ANXA10: variants seen among roughly 807,000 people sequenced by gnomAD.
ANXA10 encodes annexin A10.
A neutral mutation model predicts 53.5 loss-of-function variants in ANXA10; 49 were observed. The ratio of observed to expected loss-of-function variants is 0.92; its 90% CI spans 0.73 to 1.16. ANXA10 has a LOEUF of 1.16. Among genes scored for constraint, ANXA10 ranks in the 50% most tolerant of loss-of-function variants. The pLI, the probability that ANXA10 is intolerant of heterozygous loss-of-function variation, is 0.00. For synonymous variants in ANXA10, 131 were observed against 128.9 expected, an observed-to-expected ratio of 1.02 and a Z score of -0.11; for missense variants, 393 against 394.4, an observed-to-expected ratio of 1.00 and a Z score of 0.03.
At chr4:168,115,693 AC>A (rs1730882763) in intron 1 of ANXA10, among the ~76,000 whole-genome samples, 1 of 152,218 alleles carries the variant, frequency 6.6e-6, no homozygotes, top group African/African-American at 2.4e-5. Context: ...TACACAAATT[AC>A]AGCTATAATG....
At chr4:168,115,501 A>G (rs759159386) in intron 1 of ANXA10, among the ~76,000 whole-genome samples, 6,511 of 80,432 alleles carry the variant, frequency 0.081, 407 homozygotes, top group African/African-American at 0.3. Flanking sequence ...ACACACGCAC[A>G]CACACACACA....
chr4:168,187,486 T>C lies in ANXA10; in HGVS notation c.*52T>C. On this transcript the variant is annotated 3_prime_UTR_variant, in exon 12 of 12. Transcript: ENST00000359299. Reference sequence around the variant, plus strand: ...ACTCCTCTTTCTAGACACTTCCAAATAGAGATTTTCTCACAAATTTGTACT... The same window carrying C: ...ACTCCTCTTTCTAGACACTTCCAAACAGAGATTTTCTCACAAATTTGTACT... The C allele has an allele frequency of 8.1e-7, 1 of 1,236,080 alleles. No homozygotes were observed. Among genetic ancestry groups the C allele is most frequent in the Non-Finnish European group, 1.1e-6 (1 of 891,582 alleles). The allele number at this position is 1,236,080 out of a possible 1,614,324, so 76.6% of individuals were successfully genotyped here.
At position 168,125,095 on chromosome 4, in the gene ANXA10, A is replaced by T. The variant is rs1026343946; in HGVS notation, c.19-2989A>T. On this transcript the variant is annotated intron_variant, in intron 1 of 11. Coordinates refer to ENST00000359299, the MANE Select transcript of ANXA10 (RefSeq NM_007193.5). ...GTTGGCTGTGTTTAAAGCCATTGAA[A>T]CCACTTTGGAAGAACTCTTGGGAGA... Among the ~76,000 whole-genome samples the T allele has an allele frequency of 7.9e-5, 12 of 152,258 alleles. 1 individual carries two copies. The East Asian group carries it at 2.3e-3, about 29-fold the overall frequency.
At chr4:168,109,593 T>G (rs1730771588) in intron 1 of ANXA10, among the ~76,000 whole-genome samples, 1 of 152,188 alleles carries the variant, frequency 6.6e-6, no homozygotes, top group African/African-American at 2.4e-5. Flanking sequence ...TCATTCCCTC[T>G]TTAGGCAAGT....
At chr4:168,159,333 A>C (rs2149476709) in intron 3 of ANXA10, among the ~76,000 whole-genome samples, 1 of 152,328 alleles carries the variant, frequency 6.6e-6, no homozygotes, top group Middle Eastern at 3.4e-3. Flanking sequence ...TAGGTTTATA[A>C]GGGATATCAG....
intron 1 of ANXA10, among the ~76,000 whole-genome samples, chr4:168,115,767 G>A (rs767691831): frequency 6.6e-6 from 1 of 152,146 alleles, no homozygotes; most frequent in Non-Finnish European, 1.5e-5. Context: ...GTCAATACCT[G>A]TGTGGCTTTA....
At chr4:168,125,189 G>A (rs1467373756) in intron 1 of ANXA10, among the ~76,000 whole-genome samples, 1 of 152,294 alleles carries the variant, frequency 6.6e-6, no homozygotes, top group East Asian at 1.9e-4. Context: ...TCTGTCCAAA[G>A]TAAAATCCAA....
At chr4:168,148,895 T>C (rs1731449070) in intron 3 of ANXA10, among the ~76,000 whole-genome samples, 1 of 152,192 alleles carries the variant, frequency 6.6e-6, no homozygotes, top group Admixed American at 6.5e-5. Context: ...TTAGTTTAGA[T>C]AGCTATAGAA....
chr4:168,116,652 A>G (rs1730898325), intron 1 of ANXA10, among the ~76,000 whole-genome samples: 1 of 152,128 alleles, frequency 6.6e-6, no homozygotes, highest in African/African-American at 2.4e-5. Flanking sequence ...TATTTTATTT[A>G]TTATTGTAGA....
At chr4:168,178,046 T>A in intron 8 of ANXA10, 63 bp downstream of exon 8, 8 of 1,444,406 alleles carry the variant, frequency 5.5e-6, no homozygotes, top group Non-Finnish European at 7.7e-6. Context: ...AGAAGGTGGT[T>A]AACTAGAAAC....
intron 2 of ANXA10, among the ~76,000 whole-genome samples, chr4:168,138,137 ACTTTTAG>A (rs1226554879): frequency 2.0e-5 from 3 of 151,478 alleles, no homozygotes; most frequent in Non-Finnish European, 2.9e-5. Flanking sequence ...AATTTTTTGT[ACTTTTAG>A]TAGAGATGGG....
intron 10 of ANXA10, among the ~76,000 whole-genome samples, chr4:168,183,497 T>C (rs62336242): frequency 0.02 from 3,044 of 152,334 alleles, 43 homozygotes; most frequent in Non-Finnish European, 0.03. Flanking sequence ...GGAAAATAAC[T>C]ACAATTACCT....
At chr4:168,161,900 A>T (rs950943359) in intron 3 of ANXA10, among the ~76,000 whole-genome samples, 3 of 152,000 alleles carry the variant, frequency 2.0e-5, no homozygotes, top group African/African-American at 7.2e-5. Context: ...GCATATATAT[A>T]TTTTTAATTC....
intron 3 of ANXA10, among the ~76,000 whole-genome samples, chr4:168,152,691 A>G (rs966137141): frequency 6.6e-6 from 1 of 151,082 alleles, no homozygotes; most frequent in Non-Finnish European, 1.5e-5. Flanking sequence ...GCTATTATAT[A>G]TACATAATAA....
chr4:168,186,177 C>T (rs949471614), intron 11 of ANXA10, among the ~76,000 whole-genome samples: 1 of 152,170 alleles, frequency 6.6e-6, no homozygotes, highest in Non-Finnish European at 1.5e-5. Context: ...ATTATCATTA[C>T]ATGACTTTGT....
Position 168,096,911 on chromosome 4 carries a change from C to CATATATATATATATATATATATATGT in ANXA10, c.18+4211_18+4212insATATATGTATATATATATATATATAT, listed in dbSNP as rs35451323. On this transcript the variant is annotated intron_variant, in intron 1 of 11. Coordinates refer to ENST00000359299, the MANE Select transcript of ANXA10 (RefSeq NM_007193.5). Reference sequence around the variant, plus strand: ...TTTGTATCCATTACTAATACAAATGCATATATATATATATATATGTATGTA... The same window carrying CATATATATATATATATATATATATGT: ...TTTGTATCCATTACTAATACAAATGCATATATATATATATATATATATATGTATATATATATATATATATGTATGTA... Among the ~76,000 whole-genome samples, 42 of 109,660 alleles carry CATATATATATATATATATATATATGT rather than the reference C, an allele frequency of 3.8e-4. 1 individual carries two copies. Among genetic ancestry groups the CATATATATATATATATATATATATGT allele is most frequent in the African/African-American group, 2.0e-3 (40 of 19,680 alleles). The allele number at this position is 109,660 out of a possible 152,430, so 71.9% of individuals were successfully genotyped here.
At chr4:168,182,474 G>C (rs1732271258) in intron 10 of ANXA10, among the ~76,000 whole-genome samples, 1 of 149,360 alleles carries the variant, frequency 6.7e-6, no homozygotes, top group South Asian at 2.1e-4. Flanking sequence ...GGGACTACAG[G>C]TACCCGCCAC....
chr4:168,116,192 G>A (rs1001868428), intron 1 of ANXA10, among the ~76,000 whole-genome samples: 1 of 152,078 alleles, frequency 6.6e-6, no homozygotes, highest in African/African-American at 2.4e-5. Flanking sequence ...CATGAACTAG[G>A]TCTCAAATTT....
In ANXA10 at chr4:168,181,683, TTC is replaced by T. The variant is rs1327397170; in HGVS notation, c.729_730del (p.Val245SerfsTer10). 2 of 1,601,960 alleles carry T rather than the reference TTC, an allele frequency of 1.2e-6. No individual in the cohort carries two copies. Among genetic ancestry groups the T allele is most frequent in the Non-Finnish European group, 1.7e-6 (2 of 1,170,774 alleles). On this transcript the variant is annotated frameshift_variant and splice_region_variant, in exon 10 of 12. Coordinates refer to ENST00000359299, the MANE Select transcript of ANXA10 (RefSeq NM_007193.5). LOFTEE classifies it high-confidence loss of function. ...TTCTTCTCTCTCTGATTTCTCCTAGTTCTCTGTGTTCGAGACAAACCAGCCTA... is the reference window on the plus strand; with the variant it reads ...TTCTTCTCTCTCTGATTTCTCCTAGTTCTGTGTTCGAGACAAACCAGCCTA...
Sources: allele counts gnomAD v4.1 joint callset (sites outside exome capture counted in the v4.1 genomes callset), GRCh38; gene constraint gnomAD v4.1.1; transcripts MANE v1.5; gene names NCBI Gene and HGNC (gene_info 2026-07-23, HGNC 2026-07-21).